Variants in PDE11A observed in about 807,000 individuals in gnomAD.
The protein encoded by PDE11A is phosphodiesterase 11A, also known as dual 3',5'-cyclic-AMP and -GMP phosphodiesterase 11A.
A neutral mutation model predicts 100.5 loss-of-function variants in PDE11A; 100 were observed. The observed-to-expected ratio is 1.00, with a 90% confidence interval of 0.85 to 1.18. PDE11A has a LOEUF of 1.18. PDE11A is among the 50% of genes most tolerant of loss of function. The pLI is 0.00. For missense variants in PDE11A, 1,141 were observed against 1,152.6 expected (o/e 0.99, Z 0.15); for synonymous variants, 381 against 420.8 (o/e 0.91, Z 1.16).
At chr2:178,089,792 G>A (rs2087398803) in intron 2 of PDE11A, among the ~76,000 whole-genome samples, 1 of 152,186 alleles carries the variant, frequency 6.6e-6, no homozygotes, top group African/African-American at 2.4e-5. Context: ...GCCAAACACA[G>A]AAAGCAATGA....
intron 3 of PDE11A, chr2:177,899,552 C>T (rs1282716500): frequency 1.2e-5 from 4 of 324,314 alleles, no homozygotes; most frequent in African/African-American, 9.0e-5. Context: ...CTTGGTCAAA[C>T]TTGAGACATT....
chr2:177,650,251 A>T (rs989559006), intron 19 of PDE11A, among the ~76,000 whole-genome samples: 5 of 152,114 alleles, frequency 3.3e-5, no homozygotes, highest in Non-Finnish European at 5.9e-5. Context: ...TCATATCCTT[A>T]TTTAGTTCCT....
rs1176592253 is a variant in PDE11A, at chr2:177,876,937, G to T, written c.1303-1014C>A. 2.0e-5 allele frequency among the ~76,000 whole-genome samples: 3 copies of T among 148,306 alleles called. 1 individual carries two copies. In the South Asian group the frequency reaches 6.5e-4, roughly 32 times the overall value. On this transcript the variant is annotated intron_variant, in intron 4 of 19. Coordinates refer to ENST00000286063, the MANE Select transcript of PDE11A (RefSeq NM_016953.4). ...AAATTTACTAATGTGCAGAAGCACA[G>T]AAGCCATATAAAGTATGAGACTCAA...
At chr2:177,955,957 C>G (rs1320276230) in intron 2 of PDE11A, among the ~76,000 whole-genome samples, 1 of 152,112 alleles carries the variant, frequency 6.6e-6, no homozygotes, top group African/African-American at 2.4e-5. Context: ...CATAAAAACC[C>G]TAGAAGAAAA....
Position 177,635,422 on chromosome 2 carries a change from G to A in PDE11A, c.2647-5860C>T, listed in dbSNP as rs182706560. 4.2e-3 allele frequency among the ~76,000 whole-genome samples: 642 copies of A among 152,168 alleles called. 7 individuals are homozygous for A. The highest frequency in any genetic ancestry group is 0.015 in the African/African-American group (624 of 41,504). ...CCTGGCCCATCGCAGACAGGACCTCGGATACTTGCCCCACTATGGGACACA... is the reference window on the plus strand; with the variant it reads ...CCTGGCCCATCGCAGACAGGACCTCAGATACTTGCCCCACTATGGGACACA... On this transcript the variant is annotated intron_variant, in intron 19 of 19. Transcript: ENST00000286063.
chr2:178,055,051 T>C (rs1481312602), intron 1 of PDE11A, among the ~76,000 whole-genome samples: 1 of 152,186 alleles, frequency 6.6e-6, no homozygotes, highest in Admixed American at 6.5e-5. Flanking sequence ...TGCACATGTA[T>C]GTTTATTTTG....
At chr2:177,721,774 T>G (rs2081531892) in intron 12 of PDE11A, among the ~76,000 whole-genome samples, 1 of 152,162 alleles carries the variant, frequency 6.6e-6, no homozygotes, top group Non-Finnish European at 1.5e-5. Flanking sequence ...GCACATTAAT[T>G]GTGTAGAAAG....
At chr2:178,085,562 A>C (rs572658152) in intron 2 of PDE11A, among the ~76,000 whole-genome samples, 190 of 152,270 alleles carry the variant, frequency 1.2e-3, no homozygotes, top group Middle Eastern at 0.01. Context: ...AAACCTAAAG[A>C]ATATACAGCT....
chr2:178,001,000 C>G (rs2105817742), intron 2 of PDE11A, among the ~76,000 whole-genome samples: 1 of 152,158 alleles, frequency 6.6e-6, no homozygotes, highest in Non-Finnish European at 1.5e-5. Context: ...GCAGACAATT[C>G]CTGGCTTTGC....
In PDE11A at chr2:177,772,818, G is replaced by C. The variant is rs531650031; in HGVS notation, c.1738-3445C>G. ...CTTTTGCTCATTTAAAATTACAATA[G>C]TTTGTTTTGTTTGTTATTGAGTTGT... On this transcript the variant is annotated intron_variant, in intron 9 of 19. Transcript: ENST00000286063. Among the ~76,000 whole-genome samples the C allele has an allele frequency of 7.8e-4, 118 of 151,922 alleles. 2 individuals carry two copies. The South Asian group carries it at 0.023, about 29-fold the overall frequency.
chr2:177,936,303 T>C (rs1559014138), intron 2 of PDE11A, among the ~76,000 whole-genome samples: 1 of 152,258 alleles, frequency 6.6e-6, no homozygotes, highest in Non-Finnish European at 1.5e-5. Context: ...TATTTTGGTA[T>C]TTGTGTGACA....
chr2:178,096,169 C>CT lies in PDE11A; in HGVS notation c.162+8132dup, dbSNP rs71010857. On this transcript the variant is annotated intron_variant, in intron 2 of 20. Coordinates refer to the PDE11A transcript ENST00000358450. ...AGAAAACAGGTTTTTCTTTTCTTTT[C>CT]TTTTTTTTTTTTGAGATGGAGTCTC... Among the ~76,000 whole-genome samples the CT allele has an allele frequency of 4.4e-3, 528 of 120,084 alleles. 29 individuals are homozygous for CT. In the East Asian group the frequency reaches 0.061, roughly 14 times the overall value. The allele number at this position is 120,084 out of a possible 152,430, so 78.8% of individuals were successfully genotyped here.
intron 1 of PDE11A, among the ~76,000 whole-genome samples, chr2:178,023,101 G>A (rs1232008132): frequency 6.6e-6 from 1 of 152,146 alleles, no homozygotes. Flanking sequence ...CTCCTTCATA[G>A]AGAACAGTAA....
chr2:177,794,878 C>T (rs752549642), intron 9 of PDE11A, among the ~76,000 whole-genome samples: 15 of 152,084 alleles, frequency 9.9e-5, no homozygotes, highest in Admixed American at 2.6e-4. Flanking sequence ...CTCTGCCTCC[C>T]GGATTCAAGC....
chr2:177,691,678 G>T (rs1248269489), intron 15 of PDE11A, among the ~76,000 whole-genome samples: 5 of 152,086 alleles, frequency 3.3e-5, no homozygotes, highest in African/African-American at 1.2e-4. Context: ...GTACTGTGGG[G>T]TTAATGAGAA....
intron 2 of PDE11A, among the ~76,000 whole-genome samples, chr2:178,095,642 AC>A (rs1006533600): frequency 1.3e-4 from 20 of 152,220 alleles, no homozygotes; most frequent in Non-Finnish European, 2.4e-4. Flanking sequence ...GCTCCAACCC[AC>A]ATTTCCCTTT....
intron 1 of PDE11A, among the ~76,000 whole-genome samples, chr2:178,020,474 T>A (rs1353197148): frequency 6.6e-6 from 1 of 152,140 alleles, no homozygotes; most frequent in Non-Finnish European, 1.5e-5. Context: ...CCTCTCTAAA[T>A]CCACCTGATA....
Position 177,629,405 on chromosome 2 carries a change from G to T in PDE11A, c.*2C>A, listed in dbSNP as rs2079882171. The T allele has an allele frequency of 6.2e-7, 1 of 1,613,162 alleles. No homozygotes were observed. The highest frequency in any genetic ancestry group is 8.5e-7 in the Non-Finnish European group (1 of 1,179,724). On this transcript the variant is annotated 3_prime_UTR_variant, in exon 20 of 20. Transcript: ENST00000286063. Reference sequence around the variant, plus strand: ...TTTTGCAGCTGCAGCTGACCTGGAGGTTTAGTTCCTGTCTTCCTTGGCTAC... The same window carrying T: ...TTTTGCAGCTGCAGCTGACCTGGAGTTTTAGTTCCTGTCTTCCTTGGCTAC...
intron 2 of PDE11A, among the ~76,000 whole-genome samples, chr2:177,955,629 T>C: frequency 6.6e-6 from 1 of 152,146 alleles, no homozygotes; most frequent in East Asian, 1.9e-4. Flanking sequence ...AGAACAAAGC[T>C]GGAGGCATCA....
Sources: allele counts gnomAD v4.1 joint callset (sites outside exome capture counted in the v4.1 genomes callset), GRCh38; gene constraint gnomAD v4.1.1; transcripts MANE v1.5; gene names NCBI Gene and HGNC (gene_info 2026-07-23, HGNC 2026-07-21).